The following PPP1R9A variants were observed in gnomAD, a reference collection of about 807,000 sequenced individuals.
PPP1R9A encodes the protein neurabin-1.
Under a neutral mutation model 141.9 loss-of-function variants are expected in PPP1R9A, and 59 were observed. The ratio of observed to expected loss-of-function variants is 0.42; its 90% confidence interval spans 0.34 to 0.52. PPP1R9A has a LOEUF of 0.52. PPP1R9A is among the 20% of genes least tolerant of loss of function. PPP1R9A has a pLI of 0.10. For synonymous variants in PPP1R9A, 500 were observed against 569.7 expected, an observed-to-expected ratio of 0.88 and a Z score of 1.74; for missense variants, 1,444 against 1,611.9, an observed-to-expected ratio of 0.90 and a Z score of 1.78.
At chr7:95,248,792 C>A (rs1798488788) in intron 9 of PPP1R9A, among the ~76,000 whole-genome samples, 1 of 151,906 alleles carries the variant, frequency 6.6e-6, no homozygotes, top group African/African-American at 2.4e-5. Context: ...CTTTATTATT[C>A]ATTTTGATAA....
chr7:95,226,316 A>G (rs972525083), intron 8 of PPP1R9A, among the ~76,000 whole-genome samples, 200 bp downstream of exon 8: 7 of 152,200 alleles, frequency 4.6e-5, no homozygotes, highest in African/African-American at 1.7e-4. Context: ...CTTATTTGTC[A>G]TAGTGACATA....
At chr7:94,909,837 T>G (rs1364318835) in intron 1 of PPP1R9A, 61 bp from the exon 2 acceptor site, 1 of 274,168 alleles carries the variant, frequency 3.6e-6, no homozygotes, top group African/African-American at 2.2e-5. Context: ...TGTATGTTAT[T>G]TGACTAGACA....
intron 2 of PPP1R9A, among the ~76,000 whole-genome samples, chr7:94,964,290 T>A (rs891793458): frequency 1.8e-4 from 27 of 152,136 alleles, no homozygotes; most frequent in Admixed American, 5.9e-4. Flanking sequence ...GGCTTTCTTT[T>A]TTTTAGATAA....
At chr7:94,980,958 T>G (rs1800034239) in intron 2 of PPP1R9A, among the ~76,000 whole-genome samples, 1 of 152,134 alleles carries the variant, frequency 6.6e-6, no homozygotes. Context: ...TATTTGAAGG[T>G]GAACAAACAG....
chr7:95,204,324 A>T (rs1012981388), intron 7 of PPP1R9A, among the ~76,000 whole-genome samples: 1 of 152,190 alleles, frequency 6.6e-6, no homozygotes, highest in African/African-American at 2.4e-5. Context: ...TTAAAAATGG[A>T]GGTTGAGTGT....
intron 2 of PPP1R9A, among the ~76,000 whole-genome samples, chr7:94,969,404 CTGCTGCAGGTCTGCTGGGGTT>C (rs1798607294): frequency 1.3e-5 from 2 of 152,126 alleles, no homozygotes; most frequent in African/African-American, 2.4e-5. Flanking sequence ...TCAGGCCCCC[CTGCTGCAGGTCTGCTGGGGTT>C]TGCTGCAGGT....
intron 2 of PPP1R9A, among the ~76,000 whole-genome samples, chr7:95,037,742 C>T (rs1329646104): frequency 6.6e-6 from 1 of 152,086 alleles, no homozygotes; most frequent in Non-Finnish European, 1.5e-5. Flanking sequence ...TGCACTTTAA[C>T]ACTGGATTAA....
At chr7:95,236,184 T>G (rs1411387287) in intron 8 of PPP1R9A, among the ~76,000 whole-genome samples, 4 of 152,196 alleles carry the variant, frequency 2.6e-5, no homozygotes, top group African/African-American at 7.2e-5. Context: ...TATATTTGCT[T>G]CAATATAAAT....
chr7:95,020,949 C>G (rs1805858899), intron 2 of PPP1R9A, among the ~76,000 whole-genome samples: 1 of 152,164 alleles, frequency 6.6e-6, no homozygotes, highest in Non-Finnish European at 1.5e-5. Context: ...GTGCATGTGT[C>G]TTTACAGTAG....
chr7:95,232,551 A>G (rs763430217), intron 8 of PPP1R9A, among the ~76,000 whole-genome samples: 6 of 152,216 alleles, frequency 3.9e-5, no homozygotes, highest in Non-Finnish European at 7.3e-5. Context: ...GAGCTTCTGC[A>G]TAGCAAAAGA....
intron 2 of PPP1R9A, among the ~76,000 whole-genome samples, chr7:95,081,321 G>A (rs79794191): frequency 4.6e-5 from 7 of 152,042 alleles, no homozygotes; most frequent in African/African-American, 1.5e-4. Flanking sequence ...ACCCTGAAAT[G>A]ACATAAATGG....
intron 8 of PPP1R9A, among the ~76,000 whole-genome samples, chr7:95,234,476 G>A (rs1478307157): frequency 1.3e-5 from 2 of 152,100 alleles, no homozygotes; most frequent in Non-Finnish European, 2.9e-5. Context: ...AACCAAGAAG[G>A]TAAAAGACCT....
At chr7:94,955,714 CAT>C (rs1317338742) in intron 2 of PPP1R9A, among the ~76,000 whole-genome samples, 2 of 152,096 alleles carry the variant, frequency 1.3e-5, no homozygotes, top group African/African-American at 4.8e-5. Flanking sequence ...TCTTCATTTG[CAT>C]ATTTGTAGTT....
At chr7:95,154,494 T>G (rs1209652008) in intron 4 of PPP1R9A, among the ~76,000 whole-genome samples, 1 of 152,184 alleles carries the variant, frequency 6.6e-6, no homozygotes, top group Non-Finnish European at 1.5e-5. Flanking sequence ...AATTAAAATC[T>G]TTCTAAGCTG....
At chr7:94,948,539 T>A (rs940109458) in intron 2 of PPP1R9A, among the ~76,000 whole-genome samples, 1 of 152,102 alleles carries the variant, frequency 6.6e-6, no homozygotes, top group Non-Finnish European at 1.5e-5. Flanking sequence ...CCAAAGATGC[T>A]GATGATTTAG....
chr7:95,287,104 A>C, intron 18 of PPP1R9A: 1 of 1,611,566 alleles, frequency 6.2e-7, no homozygotes. Context: ...TTGCTCCCTC[A>C]CTCAGAGCCT....
At chr7:94,998,895 C>T (rs1347295000) in intron 2 of PPP1R9A, among the ~76,000 whole-genome samples, 3 of 152,104 alleles carry the variant, frequency 2.0e-5, no homozygotes, top group Non-Finnish European at 4.4e-5. Context: ...TCCCAAGTAG[C>T]AGGGACTACA....
At chr7:95,143,347 GACAAATATT>G (rs1827032423) in intron 4 of PPP1R9A, among the ~76,000 whole-genome samples, 1 of 152,088 alleles carries the variant, frequency 6.6e-6, no homozygotes, top group Non-Finnish European at 1.5e-5. Context: ...CTTGCTAGAA[GACAAATATT>G]ACAATTTTTT....
chr7:95,188,949 G>A (rs888243757), intron 5 of PPP1R9A, among the ~76,000 whole-genome samples: 1 of 151,994 alleles, frequency 6.6e-6, no homozygotes, highest in Non-Finnish European at 1.5e-5. Context: ...TGCATTTCAA[G>A]GGTTTGTTTC....
Sources: gnomAD v4.1 joint callset for allele counts (sites outside exome capture counted in the v4.1 genomes callset) on GRCh38, gnomAD v4.1.1 for gene constraint, MANE v1.5 for transcripts, NCBI Gene and HGNC (gene_info 2026-07-23, HGNC 2026-07-21) for gene names.